Variants in TRIT1 observed in about 807,000 individuals in gnomAD.
TRIT1 encodes the protein tRNA isopentenyltransferase 1.
Under a neutral mutation model 51.2 loss-of-function variants are expected in TRIT1, and 43 were observed. The ratio of observed to expected loss-of-function variants is 0.84; its 90% CI spans 0.66 to 1.08. The LOEUF (loss-of-function observed/expected upper bound fraction) is 1.08. TRIT1 is among the 50% of genes least tolerant of loss of function. The pLI, the probability that TRIT1 is intolerant of heterozygous loss-of-function variation, is 0.00. For missense variants in TRIT1, 528 were observed against 578.4 expected, an observed-to-expected ratio of 0.91 and a Z score of 0.89; for synonymous variants, 184 against 203.9, an observed-to-expected ratio of 0.90 and a Z score of 0.83.
intron 1 of TRIT1, among the ~76,000 whole-genome samples, chr1:39,877,316 T>A (rs1265330310): frequency 4.5e-5 from 6 of 132,408 alleles, no homozygotes. Context: ...CTGGGCAACA[T>A]GGTGCTTCTA....
chr1:39,847,106 G>T, intron 8 of TRIT1, 114 bp downstream of exon 8: 1 of 790,228 alleles, frequency 1.3e-6, no homozygotes, highest in Non-Finnish European at 2.0e-6. Flanking sequence ...CCTTAGGTCA[G>T]ATCCAAAATC....
At position 39,881,820 on chromosome 1, in the gene TRIT1, G is replaced by A. The variant is rs114860467; in HGVS notation, c.174+1498C>T. 2.3e-3 allele frequency: 350 copies of A among 152,160 alleles called. 4 individuals carry two copies. The highest frequency in any genetic ancestry group is 7.6e-3 in the African/African-American group (315 of 41,504). 9.4% of individuals were successfully genotyped at this position (152,160 alleles called of 1,614,324 possible). ...CTGTCTCAGAAATTCTATAATACTTGTCATAAAATCTAGCATCTGTAGTCT... is the reference window on the plus strand; with the variant it reads ...CTGTCTCAGAAATTCTATAATACTTATCATAAAATCTAGCATCTGTAGTCT... On this transcript the variant is annotated intron_variant, in intron 1 of 10. Transcript: ENST00000316891.
chr1:39,858,275 C>T (rs1483946367), intron 1 of TRIT1, among the ~76,000 whole-genome samples: 2 of 152,208 alleles, frequency 1.3e-5, no homozygotes, highest in African/African-American at 4.8e-5. Context: ...TTTCCCTTTA[C>T]TTACACGGGT....
chr1:39,871,023 G>C lies in TRIT1; in HGVS notation c.174+12295C>G, dbSNP rs1034097178. On this transcript the variant is annotated intron_variant, in intron 1 of 10. Coordinates refer to ENST00000316891, the MANE Select transcript of TRIT1 (RefSeq NM_017646.6). ...AGCCTGACCAATATGGAGAAACTAT[G>C]TCTCTACTAAAAATACAAAATTAGC... 8.9e-4 allele frequency among the ~76,000 whole-genome samples: 136 copies of C among 152,192 alleles called. 1 individual carries two copies. Among genetic ancestry groups the C allele is most frequent in the African/African-American group, 3.1e-3 (130 of 41,536 alleles).
intron 1 of TRIT1, among the ~76,000 whole-genome samples, chr1:39,876,663 A>C (rs1644065857): frequency 6.6e-6 from 1 of 151,932 alleles, no homozygotes; most frequent in South Asian, 2.1e-4. Flanking sequence ...GCAGTGGCTC[A>C]CGCTTGTAAT....
chr1:39,843,658 C>T (rs916584779), intron 10 of TRIT1, among the ~76,000 whole-genome samples: 6 of 152,210 alleles, frequency 3.9e-5, no homozygotes, highest in Non-Finnish European at 8.8e-5. Context: ...AAAAACCACA[C>T]TCAGGAGTAG....
chr1:39,879,368 AAAGCAGACACTTT>A (rs1644170153), intron 1 of TRIT1, among the ~76,000 whole-genome samples: 5 of 152,186 alleles, frequency 3.3e-5, no homozygotes, highest in African/African-American at 1.2e-4. Context: ...CTGGGGATGG[AAAGCAGACACTTT>A]CATGTTCAGA....
At chr1:39,878,874 T>C (rs1402312927) in intron 1 of TRIT1, among the ~76,000 whole-genome samples, 3 of 152,198 alleles carry the variant, frequency 2.0e-5, no homozygotes, top group Admixed American at 6.6e-5. Context: ...TTGACAGATA[T>C]CACTATGAAT....
At chr1:39,846,253 G>C (rs1351576962) in intron 8 of TRIT1, among the ~76,000 whole-genome samples, 1 of 152,178 alleles carries the variant, frequency 6.6e-6, no homozygotes, top group African/African-American at 2.4e-5. Flanking sequence ...TCAACAGCAG[G>C]GATCAAGGTA....
intron 1 of TRIT1, among the ~76,000 whole-genome samples, chr1:39,859,539 T>C (rs1643116449): frequency 6.8e-6 from 1 of 146,732 alleles, no homozygotes; most frequent in South Asian, 2.2e-4. Context: ...GCCGAGATCA[T>C]ACCACTGCAC....
chr1:39,862,735 C>T (rs1643322449), intron 1 of TRIT1: 1 of 976,886 alleles, frequency 1.0e-6, no homozygotes, highest in South Asian at 4.7e-5. Context: ...ATTTTATTAC[C>T]AGCCTAGAAA....
intron 8 of TRIT1, among the ~76,000 whole-genome samples, chr1:39,845,337 A>G (rs988390289): frequency 6.6e-6 from 1 of 152,214 alleles, no homozygotes; most frequent in African/African-American, 2.4e-5. Context: ...TGAGCCAACC[A>G]TGTTGCAAGA....
At chr1:39,851,855 G>T (rs1432563420) in intron 4 of TRIT1, among the ~76,000 whole-genome samples, 3 of 151,662 alleles carry the variant, frequency 2.0e-5, no homozygotes, top group Admixed American at 2.0e-4. Context: ...GGCCGAGGCA[G>T]GAGGACATCT....
chr1:39,842,739 A>G (rs546022224), intron 10 of TRIT1, among the ~76,000 whole-genome samples: 1 of 152,358 alleles, frequency 6.6e-6, no homozygotes, highest in East Asian at 1.9e-4. Context: ...AACTAGTTTA[A>G]ATTCTCTTTT....
At chr1:39,860,455 T>C (rs1643172021) in intron 1 of TRIT1, among the ~76,000 whole-genome samples, 1 of 152,198 alleles carries the variant, frequency 6.6e-6, no homozygotes, top group African/African-American at 2.4e-5. Context: ...GTATTTTGGA[T>C]TTTAGATTTT....
intron 1 of TRIT1, among the ~76,000 whole-genome samples, chr1:39,875,519 C>T (rs1644022173): frequency 1.3e-5 from 2 of 151,980 alleles, no homozygotes; most frequent in African/African-American, 4.8e-5. Context: ...TACCACTTCC[C>T]TCTTTAAAAC....
In TRIT1 at chr1:39,838,449, G is replaced by A. The variant is rs372544283; in HGVS notation, c.*3295C>T. Among the ~76,000 whole-genome samples, 137 of 152,292 alleles carry A rather than the reference G, an allele frequency of 9.0e-4. 1 individual carries two copies. The highest frequency in any genetic ancestry group is 3.1e-3 in the African/African-American group (130 of 41,574). On this transcript the variant is annotated 3_prime_UTR_variant, in exon 11 of 11. Transcript: ENST00000316891. ...CATAAAAGGTTGATTTCATGCATGT[G>A]TGTTTGGGGGAGGGGGTTGTTAGTT...
At chr1:39,874,565 T>C (rs1305842109) in intron 1 of TRIT1, among the ~76,000 whole-genome samples, 2 of 152,216 alleles carry the variant, frequency 1.3e-5, no homozygotes, top group East Asian at 3.8e-4. Context: ...TCTGGAAGGA[T>C]GTGAACCAAA....
chr1:39,873,868 A>T (rs889690603), intron 1 of TRIT1, among the ~76,000 whole-genome samples: 5 of 152,104 alleles, frequency 3.3e-5, no homozygotes, highest in African/African-American at 1.2e-4. Context: ...TACTAAAAAT[A>T]CAAAATTAGC....
Sources: allele counts gnomAD v4.1 joint callset (sites outside exome capture counted in the v4.1 genomes callset), GRCh38; gene constraint gnomAD v4.1.1; transcripts MANE v1.5; gene names NCBI Gene and HGNC (gene_info 2026-07-23, HGNC 2026-07-21).